RAB11FIP4: variants seen among roughly 807,000 people sequenced by gnomAD.
RAB11FIP4 encodes the protein RAB11 family interacting protein 4.
RAB11FIP4 carries 23 observed loss-of-function variants against 74.3 expected under a neutral mutation model. That is an observed-to-expected ratio of 0.31 (90% CI 0.22 to 0.44). The LOEUF (loss-of-function observed/expected upper bound fraction) is 0.44. RAB11FIP4 is among the 20% of genes least tolerant of loss of function. The probability of loss-of-function intolerance (pLI) is 1.00; values close to 1 mark genes in which losing one functional copy is unlikely to be tolerated. For synonymous variants in RAB11FIP4, 360 were observed against 359.9 expected (o/e 1.00, Z 0.00); for missense variants, 630 against 863.9 (o/e 0.73, Z 3.39).
At position 31,467,792 on chromosome 17, in the gene RAB11FIP4, C is replaced by T. The variant is rs113349144; in HGVS notation, c.336+33670C>T. Among the ~76,000 whole-genome samples the T allele has an allele frequency of 8.6e-3, 1,317 of 152,334 alleles. 15 individuals are homozygous for T. Among genetic ancestry groups the T allele is most frequent in the African/African-American group, 0.029 (1,197 of 41,574 alleles). ...GGGCAGCTCCATTACCGCTCTTTTCCTCTTCTCCCATCCCTGCTGTGATAG... is the reference window on the plus strand; with the variant it reads ...GGGCAGCTCCATTACCGCTCTTTTCTTCTTCTCCCATCCCTGCTGTGATAG... On this transcript the variant is annotated intron_variant, in intron 3 of 14. Coordinates refer to ENST00000621161, the MANE Select transcript of RAB11FIP4 (RefSeq NM_032932.6).
At chr17:31,428,140 G>T (rs1360335044) in intron 1 of RAB11FIP4, among the ~76,000 whole-genome samples, 1 of 152,198 alleles carries the variant, frequency 6.6e-6, no homozygotes, top group Admixed American at 6.5e-5. Flanking sequence ...CAGGTTCCAG[G>T]CAAGGAGAAG....
At chr17:31,445,578 A>T (rs2521784) in intron 3 of RAB11FIP4, among the ~76,000 whole-genome samples, 476 of 16,096 alleles carry the variant, frequency 0.03, 25 homozygotes, top group African/African-American at 0.077. Flanking sequence ...ATATATATAT[A>T]TTTTTTTTTT....
intron 3 of RAB11FIP4, among the ~76,000 whole-genome samples, chr17:31,437,418 C>G (rs1033218579): frequency 1.3e-5 from 2 of 152,116 alleles, no homozygotes; most frequent in African/African-American, 2.4e-5. Context: ...TTCTCAGGCC[C>G]GGCTCTCTGC....
chr17:31,466,795 C>A (rs2071690109), intron 3 of RAB11FIP4, among the ~76,000 whole-genome samples: 1 of 152,212 alleles, frequency 6.6e-6, no homozygotes, highest in Admixed American at 6.5e-5. Flanking sequence ...CCATACAGAG[C>A]AAAGTTGAGC....
Position 31,528,629 on chromosome 17 carries a change from G to A in RAB11FIP4, c.1504G>A (p.Asp502Asn). ...CTTCTCTCCCTCGCAGCTCATCGAGGACTTGCGGAAGGAGCTGGAGCACCT... is the reference window on the plus strand; with the variant it reads ...CTTCTCTCCCTCGCAGCTCATCGAGAACTTGCGGAAGGAGCTGGAGCACCT... ...EREATQELIE[D>N]LRKELEHLQM... The change falls in exon 13 of 15, where the codon GAC (aspartate) becomes AAC (asparagine). Residue 502 changes from aspartate to asparagine, a missense_variant. Coordinates refer to ENST00000621161, the MANE Select transcript of RAB11FIP4 (RefSeq NM_032932.6). The A allele has an allele frequency of 6.2e-7, 1 of 1,613,584 alleles. No individual in the cohort carries two copies. The highest frequency in any genetic ancestry group is 8.5e-7 in the Non-Finnish European group (1 of 1,179,826).
intron 3 of RAB11FIP4, among the ~76,000 whole-genome samples, chr17:31,505,645 A>ATAATACATACTTAT: frequency 1.1e-5 from 1 of 94,732 alleles, no homozygotes; most frequent in African/African-American, 5.7e-5. Flanking sequence ...TAATAATTAT[A>ATAATACATACTTAT]TATAATATAT....
In RAB11FIP4 at chr17:31,532,257, A is replaced by T. The variant is rs1228957502; in HGVS notation, c.*525A>T. On this transcript the variant is annotated 3_prime_UTR_variant, in exon 15 of 15. Coordinates refer to ENST00000621161, the MANE Select transcript of RAB11FIP4 (RefSeq NM_032932.6). The stretch of plus-strand genomic sequence containing the variant: ...GCCCCAGTGTTCAAGCTCAGAGAGG[A>T]TGAAGGGGCATCTGGAGGGTCCATG... 2 of 156,174 alleles carry T rather than the reference A, an allele frequency of 1.3e-5. No homozygotes were observed. The highest frequency in any genetic ancestry group is 2.9e-5 in the Non-Finnish European group (2 of 70,054). The allele number at this position is 156,174 out of a possible 1,614,324, so 9.7% of individuals were successfully genotyped here.
At chr17:31,397,006 G>A (rs535705552) in intron 1 of RAB11FIP4, among the ~76,000 whole-genome samples, 30 of 152,272 alleles carry the variant, frequency 2.0e-4, no homozygotes, top group African/African-American at 7.2e-4. Flanking sequence ...TCTTTGAAAT[G>A]GCAAAGGGGT....
chr17:31,485,421 G>T (rs2071891601), intron 3 of RAB11FIP4, among the ~76,000 whole-genome samples: 1 of 152,178 alleles, frequency 6.6e-6, no homozygotes. Context: ...TGACAGGCCT[G>T]ACTTTCTCCA....
At chr17:31,430,636 G>A (rs1190204049) in intron 1 of RAB11FIP4, among the ~76,000 whole-genome samples, 1 of 152,076 alleles carries the variant, frequency 6.6e-6, no homozygotes, top group African/African-American at 2.4e-5. Context: ...TGGGATTACA[G>A]GTGTGAGCCA....
intron 1 of RAB11FIP4, among the ~76,000 whole-genome samples, chr17:31,423,969 T>C (rs991868601): frequency 6.6e-6 from 1 of 152,070 alleles, no homozygotes; most frequent in Non-Finnish European, 1.5e-5. Flanking sequence ...GGTTTTACCT[T>C]GTAGGGAGGG....
At chr17:31,514,323 C>T (rs1040067295) in intron 3 of RAB11FIP4, among the ~76,000 whole-genome samples, 7 of 152,216 alleles carry the variant, frequency 4.6e-5, no homozygotes, top group Admixed American at 2.6e-4. Context: ...TCTGTGTCCT[C>T]GTGTCAGTGG....
chr17:31,450,321 T>TTTGTTA (rs753635068), intron 3 of RAB11FIP4, among the ~76,000 whole-genome samples: 3 of 137,792 alleles, frequency 2.2e-5, no homozygotes, highest in Non-Finnish European at 4.6e-5. Context: ...CGCCACCGGC[T>TTTGTTA]TTATTATTAT....
At chr17:31,490,347 A>T (rs748766771) in intron 3 of RAB11FIP4, among the ~76,000 whole-genome samples, 1 of 152,096 alleles carries the variant, frequency 6.6e-6, no homozygotes, top group Admixed American at 6.5e-5. Context: ...CGTTATGCTG[A>T]GGTTTTTCAC....
chr17:31,530,464 G>T lies in RAB11FIP4; in HGVS notation c.1792G>T (p.Asp598Tyr), dbSNP rs770552148. The T allele has an allele frequency of 6.2e-7, 1 of 1,613,196 alleles. No individual in the cohort carries two copies. Among genetic ancestry groups the T allele is most frequent in the Non-Finnish European group, 8.5e-7 (1 of 1,179,472 alleles). Residue 598 changes from aspartate to tyrosine, a missense_variant, in exon 14 of 15, where the codon GAT (aspartate) becomes TAT (tyrosine). Transcript: ENST00000621161. ...LAAEIDTASRDELMEALKEQE... is the reference protein window; with the variant it reads ...LAAEIDTASRYELMEALKEQE... The stretch of plus-strand genomic sequence containing the variant: ...TGCGGAGATAGACACCGCCTCGCGC[G>T]ATGAGGTAACCACACCACCGGCTCT...
At chr17:31,422,767 T>G (rs554463810) in intron 1 of RAB11FIP4, among the ~76,000 whole-genome samples, 55 of 152,192 alleles carry the variant, frequency 3.6e-4, no homozygotes, top group Non-Finnish European at 2.1e-4. Flanking sequence ...TAGCATCTAT[T>G]TTTCTGCAAG....
chr17:31,525,493 G>T, intron 10 of RAB11FIP4: 1 of 494,170 alleles, frequency 2.0e-6, no homozygotes, highest in Non-Finnish European at 3.6e-6. Context: ...AGAGAAAAGG[G>T]CCTGGGCTGG....
intron 3 of RAB11FIP4, among the ~76,000 whole-genome samples, chr17:31,452,589 C>CTT (rs1416242677): frequency 1.3e-5 from 2 of 152,188 alleles, no homozygotes; most frequent in Non-Finnish European, 2.9e-5. Flanking sequence ...TCTAGCAGCG[C>CTT]TTTTGTAACT....
chr17:31,402,851 TC>T (rs1216592180), intron 1 of RAB11FIP4, among the ~76,000 whole-genome samples: 2 of 151,884 alleles, frequency 1.3e-5, no homozygotes, highest in Admixed American at 6.6e-5. Context: ...GGTCTCGATC[TC>T]CTGACCTTGT....
Sources: allele counts gnomAD v4.1 joint callset (sites outside exome capture counted in the v4.1 genomes callset), GRCh38; gene constraint gnomAD v4.1.1; transcripts MANE v1.5; gene names NCBI Gene and HGNC (gene_info 2026-07-23, HGNC 2026-07-21).